The following NCKAP1 variants were observed in gnomAD, a reference collection of about 807,000 sequenced individuals.
The protein encoded by NCKAP1 is nck-associated protein 1.
Under a neutral mutation model 151.2 loss-of-function variants are expected in NCKAP1, and 21 were observed. The observed-to-expected ratio is 0.14, with a 90% CI of 0.10 to 0.20. The LOEUF (loss-of-function observed/expected upper bound fraction) is 0.20, where lower values mean the gene tolerates loss of function less well. Among genes scored for constraint, NCKAP1 ranks in the 10% least tolerant of loss-of-function variants. The pLI is 1.00. For missense variants in NCKAP1, 933 were observed against 1,352.1 expected (o/e 0.69, Z 4.86); for synonymous variants, 484 against 451.8 (o/e 1.07, Z -0.90).
intron 29 of NCKAP1, chr2:182,927,216 T>C (rs1696666231): frequency 1.0e-5 from 2 of 200,890 alleles, no homozygotes; most frequent in Non-Finnish European, 2.0e-5. Context: ...TCCCATTATC[T>C]ATACTGACTA....
chr2:182,921,261 C>T lies in NCKAP1; in HGVS notation c.*4441G>A, dbSNP rs1696546514. ...TAAAAAATGAGCTTTAATAAAATTA[C>T]AGTAAATTTTAAATATGATTTCCTA... is the stretch of plus-strand genomic sequence containing the variant. On this transcript the variant is annotated 3_prime_UTR_variant, in exon 31 of 31. Coordinates refer to ENST00000361354, the MANE Select transcript of NCKAP1 (RefSeq NM_013436.5). The T allele has an allele frequency of 6.6e-6, 1 of 152,102 alleles. No homozygotes were observed. Among genetic ancestry groups the T allele is most frequent in the African/African-American group, 2.4e-5 (1 of 41,400 alleles). The allele number at this position is 152,102 out of a possible 1,614,324, so 9.4% of individuals were successfully genotyped here.
rs1382028035 is a variant in NCKAP1, at chr2:183,002,173, T to C, written c.466A>G (p.Ile156Val). Reference sequence around the variant, plus strand: ...TGGGCATAGTTGTATAATCCAATGATTGCCTTCCTTTCTTCAATTCGAGAC... The same window carrying C: ...TGGGCATAGTTGTATAATCCAATGACTGCCTTCCTTTCTTCAATTCGAGAC... ...LLSRIEERKA[I>V]IGLYNYAHEM... Residue 156 changes from isoleucine (I) to valine (V), a missense_variant, in exon 5 of 31, where the codon ATC becomes GTC. Ile to Val is a conservative substitution (Grantham distance 29). This residue lies in a region of NCKAP1 where 607 missense variants were observed against 795.0 expected (regional missense o/e 0.76). Coordinates refer to ENST00000361354, the MANE Select transcript of NCKAP1 (RefSeq NM_013436.5). The C allele has an allele frequency of 6.2e-7, 1 of 1,611,916 alleles. No individual in the cohort carries two copies. The highest frequency in any genetic ancestry group is 8.5e-7 in the Non-Finnish European group (1 of 1,178,130).
At chr2:182,932,513 G>C (rs940524119) in intron 26 of NCKAP1, among the ~76,000 whole-genome samples, 6 of 152,046 alleles carry the variant, frequency 3.9e-5, no homozygotes, top group African/African-American at 1.4e-4. Context: ...TGGGGATGAT[G>C]AAAATGTTCT....
At chr2:182,967,510 T>C in intron 15 of NCKAP1, 149 bp from the exon 16 acceptor site, 1 of 684,900 alleles carries the variant, frequency 1.5e-6, no homozygotes, top group South Asian at 2.1e-5. Context: ...TTGTCTGTAG[T>C]GACCCTACCT....
intron 2 of NCKAP1, among the ~76,000 whole-genome samples, chr2:183,014,749 T>C (rs1458815146): frequency 1.3e-5 from 2 of 152,134 alleles, no homozygotes; most frequent in East Asian, 3.9e-4. Flanking sequence ...GAACCTGCCA[T>C]GAAGAAACAA....
chr2:182,958,815 G>A (rs1156272), intron 18 of NCKAP1, among the ~76,000 whole-genome samples: 10,443 of 152,270 alleles, frequency 0.069, 688 homozygotes, highest in East Asian at 0.2. Flanking sequence ...ATTTTAGGTA[G>A]AAGGAGAGCT....
chr2:182,935,429 T>C, intron 24 of NCKAP1, 54 bp from the exon 25 acceptor site: 1 of 1,081,698 alleles, frequency 9.2e-7, no homozygotes, highest in East Asian at 2.8e-5. Context: ...AACTGGATTC[T>C]TTCTTAAACT....
At chr2:182,967,184 C>G (rs567214835) in intron 16 of NCKAP1, 32 bp downstream of exon 16, 1 of 1,579,232 alleles carries the variant, frequency 6.3e-7, no homozygotes, top group African/African-American at 1.4e-5. Context: ...CTAAAACTTT[C>G]AAATCCAGAT....
intron 10 of NCKAP1, among the ~76,000 whole-genome samples, chr2:182,984,566 T>TGTGTGTGTGTGTGTG (rs1324069144): frequency 6.6e-6 from 1 of 151,740 alleles, no homozygotes; most frequent in Non-Finnish European, 1.5e-5. Flanking sequence ...CTACATGACC[T>TGTGTGTGTGTGTGTG]TAGGTTCCAA....
At chr2:182,989,209 T>C in intron 8 of NCKAP1, 23 bp from the exon 9 acceptor site, 1 of 1,562,108 alleles carries the variant, frequency 6.4e-7, no homozygotes, top group Non-Finnish European at 8.7e-7. Flanking sequence ...AGAAAGCAAA[T>C]ACAAATGTAA....
At chr2:182,938,304 AT>A (rs1696923101) in intron 24 of NCKAP1, among the ~76,000 whole-genome samples, 1 of 152,222 alleles carries the variant, frequency 6.6e-6, no homozygotes. Context: ...GAAGAGTAAG[AT>A]ATCACAAGCT....
chr2:182,926,142 C>T (rs944064046), intron 30 of NCKAP1, among the ~76,000 whole-genome samples: 55 of 151,370 alleles, frequency 3.6e-4, no homozygotes, highest in African/African-American at 1.0e-3. Flanking sequence ...TTTTTTTGTA[C>T]TATCAACTCT....
chr2:182,959,869 T>C (rs1291450215), intron 18 of NCKAP1, among the ~76,000 whole-genome samples: 1 of 152,204 alleles, frequency 6.6e-6, no homozygotes, highest in African/African-American at 2.4e-5. Context: ...CTCAAGCTGA[T>C]AGGCAACTTC....
chr2:182,992,678 TG>T (rs1408819931), intron 8 of NCKAP1, among the ~76,000 whole-genome samples: 5 of 152,148 alleles, frequency 3.3e-5, no homozygotes, highest in Non-Finnish European at 7.4e-5. Flanking sequence ...ACCTGGTCAA[TG>T]TAAAAAATAA....
chr2:183,032,977 A>T (rs1699034893), intron 1 of NCKAP1, among the ~76,000 whole-genome samples: 1 of 152,196 alleles, frequency 6.6e-6, no homozygotes, highest in Admixed American at 6.5e-5. Flanking sequence ...CTGAGCCAGG[A>T]GGCAGAGGCT....
chr2:183,027,962 A>G (rs943776074), intron 1 of NCKAP1, among the ~76,000 whole-genome samples: 3 of 152,276 alleles, frequency 2.0e-5, no homozygotes, highest in Admixed American at 6.5e-5. Flanking sequence ...TGAAGTATCA[A>G]ATTTTTAAAA....
At chr2:182,951,685 A>G (rs182720427) in intron 23 of NCKAP1, among the ~76,000 whole-genome samples, 1 of 151,656 alleles carries the variant, frequency 6.6e-6, no homozygotes, top group Non-Finnish European at 1.5e-5. Context: ...TCAAGACTCA[A>G]GTAACCACCA....
rs181988211 is a variant in NCKAP1 at position 182,927,192 on chromosome 2, T to A, written c.3181-287A>T. 1.8e-5 allele frequency: 5 copies of A among 279,170 alleles called. No individual in the cohort carries two copies. The South Asian group carries it at 2.3e-4, about 13-fold the overall frequency. The allele number at this position is 279,170 out of a possible 1,614,324, so 17.3% of individuals were successfully genotyped here. The stretch of plus-strand genomic sequence containing the variant: ...TGCTTTTTAAAATGATTCAAATTAT[T>A]TTCTCTTATCCCATCCCATTATCTA... On this transcript the variant is annotated intron_variant, in intron 29 of 30. Transcript: ENST00000361354.
intron 27 of NCKAP1, among the ~76,000 whole-genome samples, chr2:182,930,146 T>C (rs1170276989): frequency 2.0e-5 from 3 of 151,982 alleles, no homozygotes; most frequent in African/African-American, 4.8e-5. Flanking sequence ...CCCTTTACAA[T>C]AGAACTCTTT....
Sources: gnomAD v4.1 joint callset for allele counts (sites outside exome capture counted in the v4.1 genomes callset) on GRCh38, gnomAD v4.1.1 for gene constraint, gnomAD v4.1.1 regional missense constraint, MANE v1.5 for transcripts, NCBI Gene and HGNC (gene_info 2026-07-23, HGNC 2026-07-21) for gene names.